The following CA10 variants were observed in gnomAD, a reference collection of about 807,000 sequenced individuals.
CA10 encodes carbonic anhydrase-related protein 10.
CA10 carries 14 observed loss-of-function variants against 44.2 expected under a neutral mutation model. The observed-to-expected ratio is 0.32, with a 90% CI of 0.21 to 0.50. CA10 has a LOEUF of 0.50. Among genes scored for constraint, CA10 ranks in the 20% least tolerant of loss-of-function variants. CA10 has a pLI of 0.99. For missense variants in CA10, 350 were observed against 409.7 expected (o/e 0.85, Z 1.26); for synonymous variants, 159 against 141.6 (o/e 1.12, Z -0.87).
intron 3 of CA10, among the ~76,000 whole-genome samples, chr17:51,929,649 T>C (rs1982569758): frequency 6.6e-6 from 1 of 151,786 alleles, no homozygotes; most frequent in Non-Finnish European, 1.5e-5. Context: ...CTACAACTTT[T>C]CCTTCTTAAA....
rs1309576432 is a variant in CA10, at chr17:51,991,166, GGAAAATGTAGTGCAGAGTCCAGCACCT to G, written c.137-60061_137-60035del. ...TTCTGACAGCAATGAGAAAAATGATGGAAAATGTAGTGCAGAGTCCAGCACCTGACAAATAATAATCCATTAGCATTT... is the reference window on the plus strand; with the variant it reads ...TTCTGACAGCAATGAGAAAAATGATGGACAAATAATAATCCATTAGCATTT... On this transcript the variant is annotated intron_variant, in intron 2 of 8. Transcript: ENST00000451037. Among the ~76,000 whole-genome samples, 5 of 152,198 alleles carry G rather than the reference GGAAAATGTAGTGCAGAGTCCAGCACCT, an allele frequency of 3.3e-5. No homozygotes were observed. The East Asian group carries it at 9.7e-4, about 29-fold the overall frequency.
intron 4 of CA10, among the ~76,000 whole-genome samples, chr17:51,692,383 CTA>C: frequency 1.7e-5 from 2 of 115,374 alleles, no homozygotes; most frequent in Admixed American, 1.8e-4. Context: ...ATCTATCTAT[CTA>C]TCTATCTATC....
At chr17:52,077,127 T>C (rs1987837576) in intron 1 of CA10, among the ~76,000 whole-genome samples, 1 of 152,248 alleles carries the variant, frequency 6.6e-6, no homozygotes, top group Admixed American at 6.5e-5. Context: ...ACTCTGAATC[T>C]CAGAATTTTG....
chr17:51,895,949 T>C (rs188380916), intron 3 of CA10, among the ~76,000 whole-genome samples: 7 of 152,164 alleles, frequency 4.6e-5, no homozygotes, highest in African/African-American at 1.7e-4. Flanking sequence ...TAAGAATATA[T>C]GAGACAATAT....
At chr17:51,865,139 T>A (rs1979487478) in intron 3 of CA10, among the ~76,000 whole-genome samples, 1 of 152,136 alleles carries the variant, frequency 6.6e-6, no homozygotes, top group Admixed American at 6.5e-5. Flanking sequence ...CTGGTATACA[T>A]CAAATTGCAT....
chr17:52,045,701 T>G (rs865814644), intron 2 of CA10, among the ~76,000 whole-genome samples: 5 of 152,000 alleles, frequency 3.3e-5, no homozygotes, highest in Non-Finnish European at 5.9e-5. Context: ...GACATAACTA[T>G]GAAAAAATCA....
intron 4 of CA10, among the ~76,000 whole-genome samples, chr17:51,746,332 T>G (rs1354586992): frequency 6.6e-6 from 1 of 152,236 alleles, no homozygotes; most frequent in African/African-American, 2.4e-5. Context: ...CACTTAATTT[T>G]TAAAATGGAG....
intron 2 of CA10, among the ~76,000 whole-genome samples, chr17:52,047,397 T>C (rs2144202895): frequency 6.6e-6 from 1 of 152,128 alleles, no homozygotes; most frequent in South Asian, 2.1e-4. Flanking sequence ...TTGTGAAAAC[T>C]CACAAAATTG....
At chr17:52,038,991 TTACCTG>T (rs993977541) in intron 2 of CA10, among the ~76,000 whole-genome samples, 4 of 152,156 alleles carry the variant, frequency 2.6e-5, no homozygotes, top group African/African-American at 4.8e-5. Context: ...CTCACTTTCT[TTACCTG>T]TAAAGTGAGA....
intron 3 of CA10, among the ~76,000 whole-genome samples, chr17:51,834,104 G>A (rs1908386405): frequency 6.6e-6 from 1 of 152,162 alleles, no homozygotes; most frequent in African/African-American, 2.4e-5. Flanking sequence ...AGAACTTGGG[G>A]TTCAGCATCA....
chr17:52,123,052 T>C (rs1333441902), intron 1 of CA10, among the ~76,000 whole-genome samples: 1 of 152,152 alleles, frequency 6.6e-6, no homozygotes, highest in African/African-American at 2.4e-5. Flanking sequence ...TATATTCTGA[T>C]CAGTGGGAGA....
intron 2 of CA10, among the ~76,000 whole-genome samples, chr17:51,932,127 C>G (rs1387761926): frequency 6.6e-6 from 1 of 151,956 alleles, no homozygotes; most frequent in African/African-American, 2.4e-5. Flanking sequence ...CAGGTAAGCA[C>G]AAGAACAACT....
intron 1 of CA10, among the ~76,000 whole-genome samples, chr17:52,105,265 T>G (rs77995481): frequency 0.021 from 3,212 of 152,024 alleles, 117 homozygotes; most frequent in African/African-American, 0.072. Flanking sequence ...TTTTGTTTTT[T>G]TTTTTTGAAA....
intron 2 of CA10, among the ~76,000 whole-genome samples, chr17:52,003,778 C>T (rs968851000): frequency 6.6e-6 from 1 of 151,790 alleles, no homozygotes; most frequent in Non-Finnish European, 1.5e-5. Flanking sequence ...AAGAGACCTC[C>T]CACCTGTCCT....
intron 3 of CA10, among the ~76,000 whole-genome samples, chr17:51,763,754 C>T (rs1905278875): frequency 6.6e-6 from 1 of 152,124 alleles, no homozygotes; most frequent in Admixed American, 6.5e-5. Flanking sequence ...TACACACACA[C>T]ACTTAGCAGA....
intron 4 of CA10, among the ~76,000 whole-genome samples, chr17:51,684,277 C>T (rs555067942): frequency 2.6e-5 from 4 of 152,160 alleles, no homozygotes; most frequent in Admixed American, 1.3e-4. Context: ...CCTACCAACA[C>T]GTTGATCTTA....
At chr17:51,713,297 T>C (rs1279461505) in intron 4 of CA10, among the ~76,000 whole-genome samples, 3 of 152,158 alleles carry the variant, frequency 2.0e-5, no homozygotes, top group Non-Finnish European at 4.4e-5. Flanking sequence ...AAAAGGAGCC[T>C]ATAATTGGCC....
At chr17:51,797,753 A>G (rs1274124239) in intron 3 of CA10, among the ~76,000 whole-genome samples, 1 of 144,666 alleles carries the variant, frequency 6.9e-6, no homozygotes, top group Non-Finnish European at 1.5e-5. Flanking sequence ...ACTCAGGCTG[A>G]GGCAGGAGAA....
intron 3 of CA10, among the ~76,000 whole-genome samples, chr17:51,837,988 TA>T (rs1480371943): frequency 1.3e-5 from 2 of 152,206 alleles, no homozygotes; most frequent in African/African-American, 4.8e-5. Context: ...ACCACTGATT[TA>T]AAAATTGGAG....
Sources: gnomAD v4.1 joint callset for allele counts (sites outside exome capture counted in the v4.1 genomes callset) on GRCh38, gnomAD v4.1.1 for gene constraint, MANE v1.5 for transcripts, NCBI Gene and HGNC (gene_info 2026-07-23, HGNC 2026-07-21) for gene names.